Variants in GRK5 observed in about 807,000 individuals in gnomAD.
GRK5 encodes the protein g protein-coupled receptor kinase GRK5.
GRK5 carries 40 observed loss-of-function variants against 78.4 expected under a neutral mutation model. The observed-to-expected ratio is 0.51, with a 90% confidence interval of 0.40 to 0.66. GRK5 has a LOEUF of 0.66. Among genes scored for constraint, GRK5 ranks in the 30% least tolerant of loss-of-function variants. The pLI is 0.00. For missense variants in GRK5, 598 were observed against 759.9 expected, an observed-to-expected ratio of 0.79 and a Z score of 2.50; for synonymous variants, 289 against 296.8, an observed-to-expected ratio of 0.97 and a Z score of 0.27.
intron 2 of GRK5, among the ~76,000 whole-genome samples, chr10:119,357,724 G>A (rs1851286216): frequency 6.6e-6 from 1 of 152,098 alleles, no homozygotes; most frequent in East Asian, 1.9e-4. Flanking sequence ...CTGTCCCCAG[G>A]TTCACTCCCC....
At chr10:119,411,390 C>T (rs774669381) in intron 4 of GRK5, among the ~76,000 whole-genome samples, 9 of 152,154 alleles carry the variant, frequency 5.9e-5, no homozygotes, top group Non-Finnish European at 1.0e-4. Context: ...CCCTTAGACT[C>T]TAGGTCTTTG....
intron 1 of GRK5, among the ~76,000 whole-genome samples, chr10:119,303,193 A>C (rs1317547094): frequency 1.3e-5 from 2 of 152,098 alleles, no homozygotes; most frequent in Non-Finnish European, 2.9e-5. Context: ...TGAGAGTAAA[A>C]CGCTAGTTGG....
chr10:119,282,014 G>C (rs903701324), intron 1 of GRK5, among the ~76,000 whole-genome samples: 1 of 152,028 alleles, frequency 6.6e-6, no homozygotes, highest in Non-Finnish European at 1.5e-5. Flanking sequence ...TCTGTCCCTT[G>C]CCCTCCCCTC....
intron 1 of GRK5, among the ~76,000 whole-genome samples, chr10:119,231,237 C>T (rs1848823779): frequency 6.6e-6 from 1 of 152,026 alleles, no homozygotes. Context: ...AAAAAACATT[C>T]CTATTAAAAA....
intron 2 of GRK5, among the ~76,000 whole-genome samples, chr10:119,332,857 C>T (rs1850806723): frequency 6.6e-6 from 1 of 152,240 alleles, no homozygotes; most frequent in Non-Finnish European, 1.5e-5. Context: ...TTTAAGGTCT[C>T]AGTCCAAATA....
chr10:119,304,818 G>C (rs899554526), intron 1 of GRK5, among the ~76,000 whole-genome samples: 1 of 152,226 alleles, frequency 6.6e-6, no homozygotes, highest in Non-Finnish European at 1.5e-5. Flanking sequence ...CCCTGTGCAC[G>C]CAGATGCGGA....
chr10:119,319,665 A>G (rs1850551020), intron 1 of GRK5, among the ~76,000 whole-genome samples: 1 of 152,228 alleles, frequency 6.6e-6, no homozygotes, highest in Admixed American at 6.5e-5. Flanking sequence ...TGGGAAAGCA[A>G]ATAAAGCCGG....
chr10:119,344,934 C>CT (rs761529423), intron 2 of GRK5, among the ~76,000 whole-genome samples: 1 of 139,918 alleles, frequency 7.1e-6, no homozygotes, highest in Non-Finnish European at 1.5e-5. Context: ...TCCTTCCTTC[C>CT]TTTTCCTCCC....
At chr10:119,333,122 T>C (rs1302460204) in intron 2 of GRK5, 1 of 152,456 alleles carries the variant, frequency 6.6e-6, no homozygotes, top group Non-Finnish European at 1.5e-5. Context: ...AATGAAGGAA[T>C]GAATGAGGTG....
intron 1 of GRK5, chr10:119,211,570 A>C (rs916228651): frequency 7.9e-5 from 12 of 152,376 alleles, no homozygotes; most frequent in African/African-American, 2.9e-4. Context: ...CAGTAGCCAT[A>C]TCTGATCAAA....
chr10:119,446,031 A>G (rs143772317), intron 12 of GRK5, among the ~76,000 whole-genome samples: 6 of 152,040 alleles, frequency 3.9e-5, no homozygotes, highest in African/African-American at 9.6e-5. Context: ...CAGTCCCAGC[A>G]CTGGGCCTTA....
intron 2 of GRK5, among the ~76,000 whole-genome samples, chr10:119,344,922 C>CTTCCTTCT (rs1254650453): frequency 6.9e-6 from 1 of 144,524 alleles, no homozygotes; most frequent in African/African-American, 2.6e-5. Context: ...TCCTTCCTTC[C>CTTCCTTCT]TTCCTTCCTT....
At chr10:119,311,914 ATTTTTT>A (rs1554905357) in intron 1 of GRK5, among the ~76,000 whole-genome samples, 7 of 137,814 alleles carry the variant, frequency 5.1e-5, no homozygotes, top group African/African-American at 1.9e-4. Context: ...TGAATTGTTC[ATTTTTT>A]TTTTTTTTTT....
rs766951986 is a variant in GRK5, at chr10:119,448,192, C to A, written c.1336C>A (p.Pro446Thr). Reference sequence around the variant, plus strand: ...GGGGGCTGCAGAGGTCAAGAGACACCCCTTCTTCAGGAACATGAACTTCAA... The same window carrying A: ...GGGGGCTGCAGAGGTCAAGAGACACACCTTCTTCAGGAACATGAACTTCAA... ...EEGAAEVKRH[P>T]FFRNMNFKRL... Residue 446 changes from proline (P) to threonine (T), a missense_variant, in exon 13 of 16, where the codon CCC becomes ACC. Transcript: ENST00000392870. The A allele has an allele frequency of 5.7e-6, 9 of 1,590,572 alleles. No individual in the cohort carries two copies. In the East Asian group the frequency reaches 1.9e-4, roughly 33 times the overall value.
At chr10:119,443,097 G>A (rs927105567) in intron 11 of GRK5, among the ~76,000 whole-genome samples, 1 of 152,210 alleles carries the variant, frequency 6.6e-6, no homozygotes, top group Admixed American at 6.5e-5. Flanking sequence ...TATCTTTTCT[G>A]TATTTCTATG....
chr10:119,320,741 G>A (rs552723976), intron 1 of GRK5, among the ~76,000 whole-genome samples: 2 of 152,346 alleles, frequency 1.3e-5, no homozygotes, highest in East Asian at 1.9e-4. Flanking sequence ...GACAGTCACC[G>A]AGGCCCTGAA....
At chr10:119,222,283 C>A (rs1462134448) in intron 1 of GRK5, among the ~76,000 whole-genome samples, 1 of 149,926 alleles carries the variant, frequency 6.7e-6, no homozygotes, top group Non-Finnish European at 1.5e-5. Flanking sequence ...TTCTAGGGAG[C>A]CATTGTTCCC....
intron 1 of GRK5, among the ~76,000 whole-genome samples, chr10:119,209,261 CG>C (rs1295322166): frequency 6.6e-6 from 1 of 152,114 alleles, no homozygotes; most frequent in African/African-American, 2.4e-5. Context: ...ACCCGGCATT[CG>C]TGTCTTACTT....
rs1470373574 is a variant in GRK5, at chr10:119,445,389, G to A, written c.1266+1637G>A. 2.0e-5 allele frequency among the ~76,000 whole-genome samples: 3 copies of A among 152,106 alleles called. No homozygotes were observed. Among genetic ancestry groups the A allele is most frequent in the Non-Finnish European group, 2.9e-5 (2 of 68,008 alleles). ...AGAGATCTCAGCAGGGATATGGGACGTACTAAGAGGATGACGAGGCGGAGA... is the reference window on the plus strand; with the variant it reads ...AGAGATCTCAGCAGGGATATGGGACATACTAAGAGGATGACGAGGCGGAGA... On this transcript the variant is annotated intron_variant, in intron 12 of 15. Transcript: ENST00000392870. The surrounding 1 kb of genome is among the most constrained non-coding windows in gnomAD (Gnocchi z 4.1).
Sources: gnomAD v4.1 joint callset for allele counts (sites outside exome capture counted in the v4.1 genomes callset) on GRCh38, gnomAD v4.1.1 for gene constraint, Gnocchi (gnomAD v3.1) non-coding constraint, MANE v1.5 for transcripts, NCBI Gene and HGNC (gene_info 2026-07-23, HGNC 2026-07-21) for gene names.